The following RBM12B variants were observed in gnomAD, a reference collection of about 807,000 sequenced individuals.
RBM12B encodes RNA binding motif protein 12B.
RBM12B carries 10 observed loss-of-function variants against 34.3 expected under a neutral mutation model. The observed-to-expected ratio is 0.29, with a 90% CI of 0.18 to 0.49. The LOEUF (loss-of-function observed/expected upper bound fraction) is 0.49, where lower values mean the gene tolerates loss of function less well. RBM12B is among the 20% of genes least tolerant of loss of function. The probability of loss-of-function intolerance (pLI) is 0.99; values close to 1 mark genes in which losing one functional copy is unlikely to be tolerated. For missense variants in RBM12B, 1,139 were observed against 1,262.7 expected, an observed-to-expected ratio of 0.90 and a Z score of 1.48; for synonymous variants, 477 against 437.1, an observed-to-expected ratio of 1.09 and a Z score of -1.14.
rs1340660106 is a variant in RBM12B, at chr8:93,730,849, A to G, written c.*2556T>C. The G allele has an allele frequency of 6.6e-6, 1 of 152,222 alleles. No homozygotes were observed. Among genetic ancestry groups the G allele is most frequent in the Non-Finnish European group, 1.5e-5 (1 of 68,038 alleles). 9.4% of individuals were successfully genotyped at this position (152,222 alleles called of 1,614,324 possible). A position where few individuals can be genotyped will look rare whatever the true frequency, so the allele number is the denominator to read the frequency against. On this transcript the variant is annotated 3_prime_UTR_variant, in exon 4 of 4. Coordinates refer to ENST00000520560, the MANE Select transcript of RBM12B (RefSeq NM_001377960.1). ...TTATAGGGTAAAAGGAAATATTCAT[A>G]TAAATTAATTTAAAAATCAAAATAC...
Position 93,740,974 on chromosome 8 carries a change from G to A in RBM12B, c.-239C>T, listed in dbSNP as rs1242525074. 5.7e-6 allele frequency: 1 copy of A among 176,222 alleles called. No homozygotes were observed. The highest frequency in any genetic ancestry group is 2.4e-5 in the African/African-American group (1 of 41,812). The allele number at this position is 176,222 out of a possible 1,614,324, so 10.9% of individuals were successfully genotyped here. ...AACAGGTAGACCCTCAGTGAGCCCA[G>A]AAGAAGATGGCGCCCACTGCCCCTC... On this transcript the variant is annotated 5_prime_UTR_variant, in exon 1 of 4. Coordinates refer to ENST00000520560, the MANE Select transcript of RBM12B (RefSeq NM_001377960.1).
chr8:93,734,007 C>T lies in RBM12B; in HGVS notation c.2404G>A (p.Asp802Asn). Residue 802 changes from aspartate to asparagine, a missense_variant, in exon 4 of 4, where the codon GAT becomes AAT. Coordinates refer to ENST00000520560, the MANE Select transcript of RBM12B (RefSeq NM_001377960.1). ...QEHFRRSREE[D>N]FRHPPDEDFR... ...TCTTCATCTGGTGGGTGCCTGAAAT[C>T]TTCCTCTCGGGAGCGCCTGAAATGC... The T allele has an allele frequency of 6.2e-7, 1 of 1,611,378 alleles. No homozygotes were observed.
Position 93,735,412 on chromosome 8 carries a change from A to G in RBM12B, c.999T>C (p.Thr333=). ...RTRYAFVMFK[T]LKDYNTALSL... is the part of the protein sequence containing the mutation. ...TCAGAGCGGTATTATAGTCTTTCAG[A>G]GTCTTGAACATCACAAAGGCATATC... Residue 333 remains threonine, a synonymous_variant, in exon 4 of 4, where the codon ACT becomes ACC. Transcript: ENST00000520560. The G allele has an allele frequency of 6.2e-7, 1 of 1,613,430 alleles. No individual in the cohort carries two copies. The highest frequency in any genetic ancestry group is 8.5e-7 in the Non-Finnish European group (1 of 1,179,632).
rs114314332 is a variant in RBM12B, at chr8:93,733,850, G to A, written c.2561C>T (p.Ala854Val). Residue 854 changes from alanine (A) to valine (V), a missense_variant, in exon 4 of 4, where the codon GCT becomes GTT. Physicochemically the swap from Ala to Val is moderately conservative, Grantham distance 64. This residue lies in a region of RBM12B where 863 missense variants were observed against 869.5 expected (regional missense o/e 0.99). Coordinates refer to ENST00000520560, the MANE Select transcript of RBM12B (RefSeq NM_001377960.1). ...RQLPEEDLRE[A>V]PEEDPRLPDN... ...AGGAAGTCTAGGGTCCTCCTCCGGA[G>A]CTTCCCTAAGGTCTTCCTCTGGGAG... 1 of 1,614,148 alleles carries A rather than the reference G, an allele frequency of 6.2e-7. No individual in the cohort carries two copies. Among genetic ancestry groups the A allele is most frequent in the African/African-American group, 1.3e-5 (1 of 75,064 alleles).
rs1189375122 is a variant in RBM12B at position 93,733,974 on chromosome 8, C to T, written c.2437G>A (p.Gly813Ser). 6.8e-6 allele frequency: 11 copies of T among 1,612,838 alleles called. No individual in the cohort carries two copies. The highest frequency in any genetic ancestry group is 9.3e-6 in the Non-Finnish European group (11 of 1,179,626). ...TGCCTAAAGTCTTCATCAGGAGGGC[C>T]CCTGAAGTCTTCATCTGGTGGGTGC... ...FRHPPDEDFR[G>S]PPDEDFRHPP... is the part of the protein sequence containing the mutation. The change falls in exon 4 of 4, where the codon GGC becomes AGC. Residue 813 changes from glycine (G) to serine (S), a missense_variant. By Grantham distance (56) the Gly-to-Ser change is moderately conservative. Around this residue, in one of 3 missense-constraint regions of RBM12B, gnomAD observed 863 missense variants for 869.5 expected, o/e 0.99. Coordinates refer to ENST00000520560, the MANE Select transcript of RBM12B (RefSeq NM_001377960.1).
At position 93,732,584 on chromosome 8, in the gene RBM12B, G is replaced by A. The variant is rs995305397; in HGVS notation, c.*821C>T. 2.0e-5 allele frequency: 3 copies of A among 152,072 alleles called. No individual in the cohort carries two copies. Among genetic ancestry groups the A allele is most frequent in the Non-Finnish European group, 4.4e-5 (3 of 68,014 alleles). 9.4% of individuals were successfully genotyped at this position (152,072 alleles called of 1,614,324 possible). A position where few individuals can be genotyped will look rare whatever the true frequency, so the allele number is the denominator to read the frequency against. ...TTAGATTCTTATTTTACTATCTTTT[G>A]CGTATCTTGTATTAATTTTACTTGG... On this transcript the variant is annotated 3_prime_UTR_variant, in exon 4 of 4. Transcript: ENST00000520560.
chr8:93,737,018 CA>C (rs1213701942), intron 3 of RBM12B, among the ~76,000 whole-genome samples: 2 of 152,158 alleles, frequency 1.3e-5, no homozygotes, highest in Non-Finnish European at 2.9e-5. Context: ...CCAGCCTTGG[CA>C]ACAGAGCGAG....
At chr8:93,740,209 G>A (rs1360040775) in intron 2 of RBM12B, 2 of 429,832 alleles carry the variant, frequency 4.7e-6, no homozygotes, top group Non-Finnish European at 9.4e-6. Flanking sequence ...TGACCAATGA[G>A]AGCCACAGTC....
intron 2 of RBM12B, chr8:93,740,367 C>T: frequency 2.2e-6 from 1 of 457,404 alleles, no homozygotes; most frequent in South Asian, 1.5e-5. Flanking sequence ...TCTTTCGCGC[C>T]AGGCCAAAGT....
rs1045826337 is a variant in RBM12B, at chr8:93,736,489, T to C, written c.-28-51A>G. ...AGCAAGTCTTATTTTTGAAGTACCT[T>C]AGCCCAAACTAAGCTTAATAATTAC... On this transcript the variant is annotated intron_variant, in intron 3 of 3. Coordinates refer to ENST00000520560, the MANE Select transcript of RBM12B (RefSeq NM_001377960.1). The C allele has an allele frequency of 8.6e-6, 12 of 1,388,048 alleles. No individual in the cohort carries two copies. In the Middle Eastern group the frequency reaches 5.6e-4, roughly 65 times the overall value. 86.0% of individuals were successfully genotyped at this position (1,388,048 alleles called of 1,614,324 possible). A position where few individuals can be genotyped will look rare whatever the true frequency, so the allele number is the denominator to read the frequency against.
chr8:93,737,025 G>T (rs1486297570), intron 3 of RBM12B, among the ~76,000 whole-genome samples: 1 of 152,162 alleles, frequency 6.6e-6, no homozygotes, highest in Non-Finnish European at 1.5e-5. Context: ...TGGCAACAGA[G>T]CGAGAGCCCG....
chr8:93,740,659 A>C lies in RBM12B; in HGVS notation c.-108T>G. ...AAATCCTTCGAGATCTTCACTCTCAAGATCCCTGGGAAGCGCACATACACC... is the reference window on the plus strand; with the variant it reads ...AAATCCTTCGAGATCTTCACTCTCACGATCCCTGGGAAGCGCACATACACC... On this transcript the variant is annotated 5_prime_UTR_variant, in exon 2 of 4. Transcript: ENST00000520560. 2.6e-6 allele frequency: 1 copy of C among 380,030 alleles called. No individual in the cohort carries two copies. Among genetic ancestry groups the C allele is most frequent in the South Asian group, 2.0e-5 (1 of 50,532 alleles). The allele number at this position is 380,030 out of a possible 1,614,324, so 23.5% of individuals were successfully genotyped here. A position where few individuals can be genotyped will look rare whatever the true frequency, so the allele number is the denominator to read the frequency against.
At chr8:93,739,785 A>T (rs566853113) in intron 2 of RBM12B, among the ~76,000 whole-genome samples, 1 of 152,244 alleles carries the variant, frequency 6.6e-6, no homozygotes, top group Non-Finnish European at 1.5e-5. Flanking sequence ...TCCCTAAAAG[A>T]TCACTTAAGT....
At chr8:93,737,745 A>G (rs1164202454) in intron 2 of RBM12B, among the ~76,000 whole-genome samples, 1 of 151,232 alleles carries the variant, frequency 6.6e-6, no homozygotes. Flanking sequence ...ATTTTGCTGT[A>G]CACAAGTTTT....
At position 93,736,130 on chromosome 8, in the gene RBM12B, C is replaced by G; in HGVS notation, c.281G>C (p.Gly94Ala). ...CCCTGATGTCCCAGATCCTGGACGC[C>G]CTCTTCCTACACGATCAGTTCTTTT... Reference protein sequence around the residue: ...EMKRTDRVGRGRPGSGTSGVD... With the variant: ...EMKRTDRVGRARPGSGTSGVD... The change falls in exon 4 of 4, where the codon GGG becomes GCG. Residue 94 changes from glycine to alanine, a missense_variant. Coordinates refer to ENST00000520560, the MANE Select transcript of RBM12B (RefSeq NM_001377960.1). 6.2e-7 allele frequency: 1 copy of G among 1,614,082 alleles called. No individual in the cohort carries two copies. Among genetic ancestry groups the G allele is most frequent in the Non-Finnish European group, 8.5e-7 (1 of 1,180,028 alleles).
rs201621052 is a variant in RBM12B at position 93,735,408 on chromosome 8, T to A, written c.1003A>T (p.Lys335Ter). 124 of 1,613,490 alleles carry A rather than the reference T, an allele frequency of 7.7e-5. No individual in the cohort carries two copies. The highest frequency in any genetic ancestry group is 1.0e-4 in the Non-Finnish European group (121 of 1,179,744). ...AAACTCAGAGCGGTATTATAGTCTT[T>A]CAGAGTCTTGAACATCACAAAGGCA... ...RYAFVMFKTL[K>*]DYNTALSLHK... Residue 335 changes from lysine to a stop codon, truncating the protein, a stop_gained, in exon 4 of 4, where the codon AAA becomes TAA. Coordinates refer to ENST00000520560, the MANE Select transcript of RBM12B (RefSeq NM_001377960.1). LOFTEE classifies it low-confidence loss of function (END_TRUNC).
chr8:93,728,279 A>G lies in RBM12B; in HGVS notation c.*5126T>C, dbSNP rs759868452. The stretch of plus-strand genomic sequence containing the variant: ...ATGACGAGTTAGATGTTACAGAAGA[A>G]GAAAATTTTCTTAAGTAAACTACAC... On this transcript the variant is annotated 3_prime_UTR_variant, in exon 4 of 4. Transcript: ENST00000520560. 16 of 1,587,374 alleles carry G rather than the reference A, an allele frequency of 1.0e-5. No individual in the cohort carries two copies. The highest frequency in any genetic ancestry group is 1.4e-5 in the Non-Finnish European group (16 of 1,171,490).
rs1194800832 is a variant in RBM12B, at chr8:93,734,349, G to C, written c.2062C>G (p.Gln688Glu). The stretch of plus-strand genomic sequence containing the variant: ...TCGGGTGGTCGCCTCCATTCTCCCT[G>C]AAGAGGCCGCCTAAAGTCCTCCTCT... ...PPEEDFRRPL[Q>E]GEWRRPPEDD... Residue 688 changes from glutamine to glutamate, a missense_variant, in exon 4 of 4, where the codon CAG (glutamine) becomes GAG (glutamate). Gln to Glu is a conservative substitution (Grantham distance 29). Transcript: ENST00000520560. The C allele has an allele frequency of 1.9e-6, 3 of 1,607,658 alleles. No individual in the cohort carries two copies. The highest frequency in any genetic ancestry group is 2.2e-5 in the South Asian group (2 of 90,740).
rs1189884202 is a variant in RBM12B at position 93,733,188 on chromosome 8, A to T, written c.*217T>A. 5.9e-6 allele frequency: 2 copies of T among 338,632 alleles called. No homozygotes were observed. The highest frequency in any genetic ancestry group is 1.0e-5 in the Non-Finnish European group (2 of 190,894). The allele number at this position is 338,632 out of a possible 1,614,324, so 21.0% of individuals were successfully genotyped here. On this transcript the variant is annotated 3_prime_UTR_variant, in exon 4 of 4. Transcript: ENST00000520560. ...CTTTCTCCCCATCAAAGAAAAAAAC[A>T]GCATGTGTAATTTTAAATTTGAAAA...
Sources: allele counts gnomAD v4.1 joint callset (sites outside exome capture counted in the v4.1 genomes callset), GRCh38; gene constraint gnomAD v4.1.1; regional missense constraint gnomAD v4.1.1; transcripts MANE v1.5; gene names NCBI Gene and HGNC (gene_info 2026-07-23, HGNC 2026-07-21).